Variants in FNDC3B observed in about 807,000 individuals in gnomAD.
The protein encoded by FNDC3B is fibronectin type III domain containing 3B.
In FNDC3B, 12 loss-of-function variants were observed where a neutral mutation model predicts 151.5. That is an observed-to-expected ratio of 0.08 (90% CI 0.05 to 0.13). The LOEUF (loss-of-function observed/expected upper bound fraction) is 0.13, where lower values mean the gene tolerates loss of function less well. Among genes scored for constraint, FNDC3B ranks in the 10% least tolerant of loss-of-function variants. The pLI, the probability that FNDC3B is intolerant of heterozygous loss-of-function variation, is 1.00. For synonymous variants in FNDC3B, 528 were observed against 549.0 expected, an observed-to-expected ratio of 0.96 and a Z score of 0.54; for missense variants, 1,214 against 1,505.3, an observed-to-expected ratio of 0.81 and a Z score of 3.20.
chr3:172,222,796 C>T (rs1726353884), intron 3 of FNDC3B, among the ~76,000 whole-genome samples: 1 of 152,148 alleles, frequency 6.6e-6, no homozygotes, highest in Non-Finnish European at 1.5e-5. Flanking sequence ...AATAGTGGTC[C>T]GTGGCCTGGG....
At chr3:172,355,915 C>T (rs1210898286) in intron 22 of FNDC3B, among the ~76,000 whole-genome samples, 3 of 152,304 alleles carry the variant, frequency 2.0e-5, no homozygotes, top group East Asian at 3.9e-4. Flanking sequence ...AGGACTATTG[C>T]CTTCCTTGTT....
intron 3 of FNDC3B, among the ~76,000 whole-genome samples, chr3:172,205,440 T>G (rs1725373696): frequency 6.6e-6 from 1 of 152,160 alleles, no homozygotes; most frequent in Non-Finnish European, 1.5e-5. Flanking sequence ...CCTCAGACAA[T>G]CTTGTGAAAT....
chr3:172,147,410 A>G (rs1011772539), intron 3 of FNDC3B, among the ~76,000 whole-genome samples: 2 of 151,700 alleles, frequency 1.3e-5, no homozygotes, highest in Admixed American at 6.6e-5. Flanking sequence ...GCATGCCTTT[A>G]TGAAATGATT....
At chr3:172,132,378 ATGG>A (rs1439100295) in intron 2 of FNDC3B, among the ~76,000 whole-genome samples, 2 of 152,172 alleles carry the variant, frequency 1.3e-5, no homozygotes, top group African/African-American at 4.8e-5. Flanking sequence ...AGCCTTGTAC[ATGG>A]TGGTTTTTAA....
intron 23 of FNDC3B, among the ~76,000 whole-genome samples, chr3:172,369,823 T>G (rs1397513893): frequency 1.3e-5 from 2 of 152,162 alleles, no homozygotes; most frequent in African/African-American, 4.8e-5. Flanking sequence ...CTTGGCAGAG[T>G]GAGGGCGAAT....
At chr3:172,288,219 C>A (rs1245718297) in intron 7 of FNDC3B, among the ~76,000 whole-genome samples, 2 of 152,220 alleles carry the variant, frequency 1.3e-5, no homozygotes, top group Non-Finnish European at 2.9e-5. Context: ...AATTAACTGG[C>A]AGTCTGATTG....
intron 1 of FNDC3B, among the ~76,000 whole-genome samples, chr3:172,067,457 T>G (rs1026107444): frequency 5.3e-5 from 8 of 152,204 alleles, no homozygotes; most frequent in African/African-American, 1.9e-4. Context: ...CTTTTTTTCT[T>G]GTTTGATGTT....
intron 3 of FNDC3B, among the ~76,000 whole-genome samples, chr3:172,225,221 T>C (rs1003331609): frequency 2.3e-4 from 35 of 152,330 alleles, no homozygotes; most frequent in Non-Finnish European, 4.6e-4. Flanking sequence ...GTGCGCAGGC[T>C]GGAGTATGGT....
intron 11 of FNDC3B, among the ~76,000 whole-genome samples, chr3:172,316,918 G>A (rs551827844): frequency 1.3e-5 from 2 of 152,334 alleles, no homozygotes; most frequent in South Asian, 2.1e-4. Context: ...GAAGTTCAAG[G>A]TCAAGGACTT....
intron 3 of FNDC3B, among the ~76,000 whole-genome samples, chr3:172,140,320 T>G (rs925090754): frequency 1.3e-5 from 2 of 152,258 alleles, no homozygotes; most frequent in Admixed American, 6.5e-5. Context: ...TGTGTGTATA[T>G]ATATTTGCTT....
chr3:172,188,139 G>T (rs1724298879), intron 3 of FNDC3B, among the ~76,000 whole-genome samples: 1 of 151,642 alleles, frequency 6.6e-6, no homozygotes, highest in Non-Finnish European at 1.5e-5. Flanking sequence ...GGGATTACAG[G>T]CATGTGCCAC....
intron 3 of FNDC3B, among the ~76,000 whole-genome samples, chr3:172,172,286 A>G (rs1723322052): frequency 6.6e-6 from 1 of 152,204 alleles, no homozygotes; most frequent in South Asian, 2.1e-4. Flanking sequence ...CTAACCCATG[A>G]CTAAAACTTA....
intron 25 of FNDC3B, among the ~76,000 whole-genome samples, chr3:172,385,552 A>T (rs1735666901): frequency 6.6e-6 from 1 of 150,466 alleles, no homozygotes; most frequent in Non-Finnish European, 1.5e-5. Context: ...TTTTCCCCCA[A>T]GACCTTTTTT....
intron 6 of FNDC3B, among the ~76,000 whole-genome samples, chr3:172,263,923 C>G (rs1179134433): frequency 2.0e-5 from 3 of 152,044 alleles, no homozygotes; most frequent in African/African-American, 7.2e-5. Context: ...GTAGGATTTC[C>G]TGATCTGCCT....
In FNDC3B at chr3:172,082,884, C is replaced by T. The variant is rs568953905; in HGVS notation, c.-28-29568C>T. On this transcript the variant is annotated intron_variant, in intron 1 of 25. Coordinates refer to ENST00000415807, the MANE Select transcript of FNDC3B (RefSeq NM_022763.4). ...TCTACTCATTTAGAAGTAAGAGGTA[C>T]TGAATTAGTGACAGCTAGATTCCAT... 7.9e-5 allele frequency among the ~76,000 whole-genome samples: 12 copies of T among 152,290 alleles called. No individual in the cohort carries two copies. In the South Asian group the frequency reaches 2.3e-3, roughly 29 times the overall value.
intron 22 of FNDC3B, among the ~76,000 whole-genome samples, chr3:172,359,877 T>A (rs1033300637): frequency 4.6e-5 from 7 of 152,224 alleles, no homozygotes; most frequent in African/African-American, 1.7e-4. Flanking sequence ...CTCTGCTTTA[T>A]CAGAGATGAG....
At chr3:172,145,861 T>A (rs1721884095) in intron 3 of FNDC3B, among the ~76,000 whole-genome samples, 3 of 149,100 alleles carry the variant, frequency 2.0e-5, no homozygotes, top group Non-Finnish European at 4.4e-5. Flanking sequence ...TTGCCCAGGC[T>A]GGAGTGCAAT....
chr3:172,255,682 G>A (rs112092826), intron 6 of FNDC3B, among the ~76,000 whole-genome samples: 1,819 of 152,326 alleles, frequency 0.012, 42 homozygotes, highest in African/African-American at 0.041. Flanking sequence ...GATTACAGGC[G>A]TGAGCCACTG....
At chr3:172,053,776 CA>C (rs562005467) in intron 1 of FNDC3B, among the ~76,000 whole-genome samples, 48,597 of 113,266 alleles carry the variant, frequency 0.43, 8,308 homozygotes, top group East Asian at 0.55. Flanking sequence ...AACTCCGTCT[CA>C]AAAAAAAAAA....
Sources: allele counts gnomAD v4.1 joint callset (sites outside exome capture counted in the v4.1 genomes callset), GRCh38; gene constraint gnomAD v4.1.1; transcripts MANE v1.5; gene names NCBI Gene and HGNC (gene_info 2026-07-23, HGNC 2026-07-21).